Variants in HTT observed in about 807,000 individuals in gnomAD.
The protein encoded by HTT is huntington disease protein.
HTT carries 104 observed loss-of-function variants against 362.3 expected under a neutral mutation model. The ratio of observed to expected loss-of-function variants is 0.29; its 90% CI spans 0.24 to 0.34. HTT has a LOEUF of 0.34. Among genes scored for constraint, HTT ranks in the 10% least tolerant of loss-of-function variants. The probability of loss-of-function intolerance (pLI) is 1.00; values close to 1 mark genes in which losing one functional copy is unlikely to be tolerated. For missense variants in HTT, 3,301 were observed against 3,928.6 expected (o/e 0.84, Z 4.27); for synonymous variants, 1,577 against 1,548.7 (o/e 1.02, Z -0.43).
chr4:3,161,662 C>T (rs971599434), intron 29 of HTT, among the ~76,000 whole-genome samples: 1 of 152,216 alleles, frequency 6.6e-6, no homozygotes, highest in Non-Finnish European at 1.5e-5. Context: ...CTGCATTTCT[C>T]TAATGACCAG....
chr4:3,216,596 A>G (rs566401913), intron 51 of HTT, among the ~76,000 whole-genome samples: 3 of 152,294 alleles, frequency 2.0e-5, no homozygotes, highest in South Asian at 2.1e-4. Flanking sequence ...AGTTAGAGCA[A>G]CGGGCCCTGA....
chr4:3,230,351 T>C (rs1182256135), intron 60 of HTT, among the ~76,000 whole-genome samples: 1 of 152,130 alleles, frequency 6.6e-6, no homozygotes, highest in Non-Finnish European at 1.5e-5. Flanking sequence ...GTGGTGGCGC[T>C]GAGGCATCGT....
At chr4:3,121,004 G>T (rs1366436513) in intron 8 of HTT, among the ~76,000 whole-genome samples, 1 of 152,102 alleles carries the variant, frequency 6.6e-6, no homozygotes, top group Non-Finnish European at 1.5e-5. Flanking sequence ...TAGTGCAAGT[G>T]CTCCATTTAT....
At chr4:3,125,772 G>C (rs781683332) in intron 11 of HTT, 143 bp downstream of exon 11, 1 of 631,116 alleles carries the variant, frequency 1.6e-6, no homozygotes, top group Non-Finnish European at 2.9e-6. Flanking sequence ...GGGCATATTC[G>C]GGCTTCTTTT....
intron 26 of HTT, among the ~76,000 whole-genome samples, chr4:3,151,603 A>G (rs1368013482): frequency 6.6e-6 from 1 of 152,118 alleles, no homozygotes; most frequent in Non-Finnish European, 1.5e-5. Flanking sequence ...CATGAACCCT[A>G]TTGTGAACTG....
Position 3,206,931 on chromosome 4 carries a change from T to G in HTT, c.6023T>G (p.Val2008Gly). The G allele has an allele frequency of 2.5e-6, 4 of 1,613,996 alleles. No homozygotes were observed. The highest frequency in any genetic ancestry group is 3.4e-6 in the Non-Finnish European group (4 of 1,179,970). ...CTPFRVLARMVDILACRRVEM... is the reference protein window; with the variant it reads ...CTPFRVLARMGDILACRRVEM... ...CCTTTCCGTGTGCTGGCTCGCATGG[T>G]CGACATCCTTGCTTGTCGCCGGGTA... The change falls in exon 44 of 67, where the codon GTC becomes GGC. Residue 2008 changes from valine (V) to glycine (G), a missense_variant. Coordinates refer to ENST00000355072, the MANE Select transcript of HTT (RefSeq NM_001388492.1). The surrounding 1 kb of genome is among the most constrained non-coding windows in gnomAD (Gnocchi z 4.6).
At chr4:3,181,795 G>A (rs1315645960) in intron 36 of HTT, among the ~76,000 whole-genome samples, 1 of 152,138 alleles carries the variant, frequency 6.6e-6, no homozygotes, top group East Asian at 1.9e-4. Context: ...GCTTGGGTGG[G>A]TGGGTGTCAT....
intron 1 of HTT, among the ~76,000 whole-genome samples, chr4:3,082,963 A>G (rs1712996497): frequency 6.6e-6 from 1 of 152,200 alleles, no homozygotes; most frequent in Non-Finnish European, 1.5e-5. Flanking sequence ...TTTAGGGCAC[A>G]AAGGAGAGCT....
chr4:3,186,829 G>C, intron 38 of HTT, 110 bp downstream of exon 38: 1 of 560,270 alleles, frequency 1.8e-6, no homozygotes, highest in Non-Finnish European at 2.9e-6. Context: ...AGGGCTTCTT[G>C]AGAGTTTGCT....
chr4:3,195,369 G>T (rs958111893), intron 40 of HTT, among the ~76,000 whole-genome samples: 1 of 151,826 alleles, frequency 6.6e-6, no homozygotes, highest in East Asian at 1.9e-4. Flanking sequence ...GAGCTGCTGC[G>T]TGCAGCTGTA....
At chr4:3,169,430 T>A (rs1717866701) in intron 29 of HTT, among the ~76,000 whole-genome samples, 1 of 152,234 alleles carries the variant, frequency 6.6e-6, no homozygotes, top group Admixed American at 6.5e-5. Flanking sequence ...CATAGCTTAC[T>A]GATGCTCTTT....
intron 54 of HTT, 56 bp downstream of exon 54, chr4:3,222,543 C>A: frequency 7.7e-7 from 1 of 1,296,012 alleles, no homozygotes; most frequent in Non-Finnish European, 1.1e-6. Flanking sequence ...GCTTGCAGGC[C>A]TTTGGTGGGG....
chr4:3,095,637 A>G (rs1393009053), intron 2 of HTT, among the ~76,000 whole-genome samples: 1 of 152,228 alleles, frequency 6.6e-6, no homozygotes, highest in Non-Finnish European at 1.5e-5. Flanking sequence ...TTTAAGCCAC[A>G]TAGTTTGTGG....
Position 3,228,340 on chromosome 4 carries a change from G to A in HTT, c.7849-275G>A, listed in dbSNP as rs1360228287. ...AGGAGTGAAAGCATCCCTTCGTAGA[G>A]CCTCTTTCTGTGTCACCCTCCTCAG... On this transcript the variant is annotated intron_variant, in intron 57 of 66. Coordinates refer to ENST00000355072, the MANE Select transcript of HTT (RefSeq NM_001388492.1). The surrounding 1 kb of genome is among the most constrained non-coding windows in gnomAD (Gnocchi z 4.3). Among the ~76,000 whole-genome samples, 1 of 152,204 alleles carries A rather than the reference G, an allele frequency of 6.6e-6. No homozygotes were observed. The highest frequency in any genetic ancestry group is 1.5e-5 in the Non-Finnish European group (1 of 68,016).
At chr4:3,203,218 G>A (rs1247391207) in intron 41 of HTT, among the ~76,000 whole-genome samples, 2 of 152,228 alleles carry the variant, frequency 1.3e-5, no homozygotes, top group African/African-American at 4.8e-5. Flanking sequence ...GTTTAAATCT[G>A]TAGAATTTTG....
chr4:3,231,458 C>T (rs1427624536), intron 60 of HTT, among the ~76,000 whole-genome samples: 1 of 152,192 alleles, frequency 6.6e-6, no homozygotes, highest in Non-Finnish European at 1.5e-5. Context: ...CAGAGGTTAG[C>T]TGGCTTGTCT....
chr4:3,223,629 C>A, intron 55 of HTT, 69 bp downstream of exon 55: 3 of 1,360,754 alleles, frequency 2.2e-6, no homozygotes, highest in Non-Finnish European at 3.0e-6. Context: ...CCCGCTGAAG[C>A]GTCCAGCAGC....
At chr4:3,184,053 C>T (rs532996934) in intron 37 of HTT, among the ~76,000 whole-genome samples, 7 of 151,292 alleles carry the variant, frequency 4.6e-5, no homozygotes, top group East Asian at 3.9e-4. Flanking sequence ...TATACCATGG[C>T]GGCTGATCAG....
intron 6 of HTT, among the ~76,000 whole-genome samples, chr4:3,108,788 A>G (rs998006866): frequency 3.9e-5 from 6 of 152,046 alleles, no homozygotes; most frequent in Admixed American, 1.3e-4. Context: ...GCTTGTGCCT[A>G]TAATTGTAGC....
Sources: allele counts gnomAD v4.1 joint callset (sites outside exome capture counted in the v4.1 genomes callset), GRCh38; gene constraint gnomAD v4.1.1; non-coding constraint Gnocchi (gnomAD v3.1); transcripts MANE v1.5; gene names NCBI Gene and HGNC (gene_info 2026-07-23, HGNC 2026-07-21).